The following CLIP2 variants were observed in gnomAD, a reference collection of about 807,000 sequenced individuals.
CLIP2 encodes the protein CAP-Gly domain-containing linker protein 2.
In CLIP2, 41 loss-of-function variants were observed where a neutral mutation model predicts 111.7. That is an observed-to-expected ratio of 0.37 (90% CI 0.29 to 0.48). The LOEUF (loss-of-function observed/expected upper bound fraction) is 0.48, where lower values mean the gene tolerates loss of function less well. Among genes scored for constraint, CLIP2 ranks in the 20% least tolerant of loss-of-function variants. The pLI, the probability that CLIP2 is intolerant of heterozygous loss-of-function variation, is 0.99. For synonymous variants in CLIP2, 660 were observed against 644.2 expected (o/e 1.02, Z -0.37); for missense variants, 1,160 against 1,422.1 (o/e 0.82, Z 2.96).
chr7:74,321,004 C>T (rs1299966403), intron 2 of CLIP2, among the ~76,000 whole-genome samples: 2 of 152,068 alleles, frequency 1.3e-5, no homozygotes, highest in African/African-American at 2.4e-5. Context: ...TGTTCCTCCC[C>T]GATCTAGAGA....
chr7:74,359,742 C>T (rs1232160768), intron 6 of CLIP2, among the ~76,000 whole-genome samples: 3 of 152,164 alleles, frequency 2.0e-5, no homozygotes, highest in Non-Finnish European at 4.4e-5. Context: ...GCTGCTATCT[C>T]GTGTCTGGTT....
At chr7:74,329,340 C>T (rs1022242200) in intron 2 of CLIP2, among the ~76,000 whole-genome samples, 1 of 151,926 alleles carries the variant, frequency 6.6e-6, no homozygotes, top group Non-Finnish European at 1.5e-5. Flanking sequence ...CCACCACACC[C>T]GGCCAGCATG....
In CLIP2 at chr7:74,305,143, T is replaced by TA. The variant is rs1332223182; in HGVS notation, c.-67-12336dup. Among the ~76,000 whole-genome samples, 6 of 151,200 alleles carry TA rather than the reference T, an allele frequency of 4.0e-5. No homozygotes were observed. In the South Asian group the frequency reaches 1.0e-3, roughly 26 times the overall value. ...ACCATCCATCCCTCCACTGTACACTTACGTTCCCTGTCCAGCCCAGGCACT... is the reference window on the plus strand; with the variant it reads ...ACCATCCATCCCTCCACTGTACACTTAACGTTCCCTGTCCAGCCCAGGCACT... On this transcript the variant is annotated intron_variant, in intron 1 of 16. Coordinates refer to ENST00000223398, the MANE Select transcript of CLIP2 (RefSeq NM_003388.5).
chr7:74,321,758 G>A (rs1383086998), intron 2 of CLIP2, among the ~76,000 whole-genome samples: 1 of 151,670 alleles, frequency 6.6e-6, no homozygotes, highest in Non-Finnish European at 1.5e-5. Flanking sequence ...GTGAGCCACC[G>A]CGCCTGGCCT....
intron 11 of CLIP2, among the ~76,000 whole-genome samples, chr7:74,385,934 G>T (rs1791080724): frequency 6.6e-6 from 1 of 151,400 alleles, no homozygotes; most frequent in Admixed American, 6.6e-5. Context: ...TAGAGATGGG[G>T]TTTCTCCATG....
In CLIP2 at chr7:74,343,034, C is replaced by CAA. The variant is rs57450898; in HGVS notation, c.678+4044_678+4045dup. On this transcript the variant is annotated intron_variant, in intron 3 of 16. Coordinates refer to ENST00000223398, the MANE Select transcript of CLIP2 (RefSeq NM_003388.5). The stretch of plus-strand genomic sequence containing the variant: ...TGGATGACACAGCCAGACTCTGTCT[C>CAA]AAAAAAAAAAAAAAATGGTGACGGG... Among the ~76,000 whole-genome samples the CAA allele has an allele frequency of 3.5e-3, 407 of 117,052 alleles. 1 individual carries two copies. The highest frequency in any genetic ancestry group is 4.7e-3 in the Non-Finnish European group (248 of 52,390). The allele number at this position is 117,052 out of a possible 152,430, so 76.8% of individuals were successfully genotyped here.
chr7:74,324,940 G>C (rs782331629), intron 2 of CLIP2, among the ~76,000 whole-genome samples: 2 of 152,026 alleles, frequency 1.3e-5, no homozygotes, highest in Admixed American at 6.6e-5. Flanking sequence ...CTGTCCATCT[G>C]TTCTCCGAGG....
chr7:74,340,867 A>T (rs1789639957), intron 3 of CLIP2, among the ~76,000 whole-genome samples: 1 of 152,048 alleles, frequency 6.6e-6, no homozygotes, highest in African/African-American at 2.4e-5. Context: ...GTGGTTGGTC[A>T]TTCCAACCCG....
At position 74,393,323 on chromosome 7, in the gene CLIP2, G is replaced by A. The variant is rs182211453; in HGVS notation, c.2721-3751G>A. Among the ~76,000 whole-genome samples the A allele has an allele frequency of 1.7e-4, 26 of 151,216 alleles. No homozygotes were observed. The East Asian group carries it at 3.9e-3, about 23-fold the overall frequency. ...GAGTACAGGCATGAGCCACCGCACT[G>A]GGCCCAGCATTTGCATTTCTTTTTT... On this transcript the variant is annotated intron_variant, in intron 13 of 16. Transcript: ENST00000223398.
At chr7:74,377,660 G>A (rs1196761523) in intron 10 of CLIP2, among the ~76,000 whole-genome samples, 7 of 152,098 alleles carry the variant, frequency 4.6e-5, no homozygotes, top group Admixed American at 4.6e-4. Flanking sequence ...ACTTTCCCAG[G>A]TCCACAGCCT....
chr7:74,404,165 C>G lies in CLIP2; in HGVS notation c.*317C>G. The G allele has an allele frequency of 2.5e-6, 1 of 399,402 alleles. No individual in the cohort carries two copies. Among genetic ancestry groups the G allele is most frequent in the Non-Finnish European group, 4.7e-6 (1 of 211,592 alleles). The allele number at this position is 399,402 out of a possible 1,614,324, so 24.7% of individuals were successfully genotyped here. On this transcript the variant is annotated 3_prime_UTR_variant, in exon 17 of 17. Coordinates refer to ENST00000223398, the MANE Select transcript of CLIP2 (RefSeq NM_003388.5). ...GGGGATCCGGCCAGGCCCCTCTGTC[C>G]AGAAGGAGCTGCCCTGAGGACCATC... is the stretch of plus-strand genomic sequence containing the variant.
At chr7:74,399,654 C>T (rs1791564266) in intron 14 of CLIP2, among the ~76,000 whole-genome samples, 1 of 151,664 alleles carries the variant, frequency 6.6e-6, no homozygotes, top group Non-Finnish European at 1.5e-5. Context: ...ATTCTCCTGC[C>T]TAGGCCTCCA....
At chr7:74,346,911 T>C (rs1045466999) in intron 3 of CLIP2, among the ~76,000 whole-genome samples, 2 of 151,814 alleles carry the variant, frequency 1.3e-5, no homozygotes, top group Admixed American at 1.3e-4. Context: ...TGGTGTCGCA[T>C]GCCTCCAGTC....
intron 8 of CLIP2, among the ~76,000 whole-genome samples, chr7:74,372,700 G>A (rs1256829546): frequency 6.9e-6 from 1 of 145,518 alleles, no homozygotes; most frequent in Non-Finnish European, 1.5e-5. Context: ...GACCCAGCCG[G>A]GACACAGCAA....
At chr7:74,351,117 AAG>A (rs556399701) in intron 3 of CLIP2, among the ~76,000 whole-genome samples, 16 of 147,736 alleles carry the variant, frequency 1.1e-4, no homozygotes, top group Non-Finnish European at 2.4e-4. Flanking sequence ...GAAGGGAAGA[AAG>A]AGAGAGAGAA....
At chr7:74,393,703 G>A (rs1185831167) in intron 13 of CLIP2, among the ~76,000 whole-genome samples, 7 of 152,166 alleles carry the variant, frequency 4.6e-5, no homozygotes, top group Non-Finnish European at 8.8e-5. Flanking sequence ...TGTAAAAGAA[G>A]AAATGCTACC....
intron 14 of CLIP2, among the ~76,000 whole-genome samples, 195 bp downstream of exon 14, chr7:74,397,428 T>A (rs1016976788): frequency 6.6e-6 from 1 of 152,048 alleles, no homozygotes; most frequent in Non-Finnish European, 1.5e-5. Context: ...GCAGACATCA[T>A]GGCTGCCTAT....
chr7:74,350,996 G>A (rs1445906731), intron 3 of CLIP2, among the ~76,000 whole-genome samples: 2 of 76,912 alleles, frequency 2.6e-5, no homozygotes, highest in East Asian at 5.6e-4. Context: ...AGGAAGAGAA[G>A]AAGGAGAGAA....
chr7:74,375,802 C>A, intron 9 of CLIP2, 85 bp from the exon 10 acceptor site: 1 of 1,205,420 alleles, frequency 8.3e-7, no homozygotes. Flanking sequence ...ATGGACGCCC[C>A]CTACCCGGCC....
Sources: allele counts gnomAD v4.1 joint callset (sites outside exome capture counted in the v4.1 genomes callset), GRCh38; gene constraint gnomAD v4.1.1; transcripts MANE v1.5; gene names NCBI Gene and HGNC (gene_info 2026-07-23, HGNC 2026-07-21).